Variants in ZFAND2A observed in about 807,000 individuals in gnomAD.
ZFAND2A encodes AN1-type zinc finger protein 2A.
ZFAND2A carries 20 observed loss-of-function variants against 11.6 expected under a neutral mutation model. The observed-to-expected ratio is 1.72, with a 90% confidence interval of 1.21 to 2.50. The LOEUF (loss-of-function observed/expected upper bound fraction) is 2.50, where lower values mean the gene tolerates loss of function less well. ZFAND2A is among the 30% of genes most tolerant of loss of function. The pLI is 0.00. For missense variants in ZFAND2A, 234 were observed against 182.9 expected (o/e 1.28, Z -1.61); for synonymous variants, 93 against 60.6 (o/e 1.54, Z -2.48).
chr7:1,155,059 A>G (rs1793489616), intron 4 of ZFAND2A, among the ~76,000 whole-genome samples: 1 of 152,242 alleles, frequency 6.6e-6, no homozygotes, highest in Non-Finnish European at 1.5e-5. Flanking sequence ...CAGAGGTTGC[A>G]ATGAGCCGAG....
chr7:1,159,255 G>A (rs1287590196), intron 1 of ZFAND2A, among the ~76,000 whole-genome samples: 1 of 152,204 alleles, frequency 6.6e-6, no homozygotes, highest in Non-Finnish European at 1.5e-5. Context: ...ATTCACAAGA[G>A]TTTGATGTGA....
At chr7:1,152,431 T>A, downstream of ZFAND2A, 1 of 1,425,340 alleles carries the variant, frequency 7.0e-7, no homozygotes, top group East Asian at 2.6e-5. Context: ...CAACTACCAC[T>A]GGCCTGGCCC....
chr7:1,152,363 G>C (rs1307576217), downstream of ZFAND2A: 8 of 1,540,128 alleles, frequency 5.2e-6, no homozygotes, highest in Non-Finnish European at 6.1e-6. Context: ...AGGGTGGATG[G>C]ATCAGCTCAG....
At position 1,152,969 on chromosome 7, in the gene ZFAND2A, G is replaced by C. The variant is rs1793429859; in HGVS notation, c.*100C>G. 2.1e-6 allele frequency: 3 copies of C among 1,461,864 alleles called. No homozygotes were observed. The highest frequency in any genetic ancestry group is 2.8e-6 in the Non-Finnish European group (3 of 1,057,406). The allele number at this position is 1,461,864 out of a possible 1,614,324, so 90.6% of individuals were successfully genotyped here. On this transcript the variant is annotated 3_prime_UTR_variant, in exon 5 of 5. Coordinates refer to ENST00000316495, the MANE Select transcript of ZFAND2A (RefSeq NM_182491.4). ...CCTCAACAAACAAGATCAGCAGCCA[G>C]TGTGGGATGGTGCTCAATGGGGCTC...
At chr7:1,154,837 G>A (rs550116285) in intron 4 of ZFAND2A, among the ~76,000 whole-genome samples, 1 of 152,324 alleles carries the variant, frequency 6.6e-6, no homozygotes, top group South Asian at 2.1e-4. Context: ...GAAGCTCCTT[G>A]AGCTGGGCGT....
At chr7:1,155,322 G>A (rs554745058) in intron 4 of ZFAND2A, 131 bp downstream of exon 4, 18 of 1,273,406 alleles carry the variant, frequency 1.4e-5, no homozygotes, top group South Asian at 1.0e-4. Context: ...CAGGGATAAC[G>A]CAGCGTTAGG....
In ZFAND2A at chr7:1,155,522, T is replaced by C; in HGVS notation, c.213A>G (p.Ile71Met). 2 of 1,613,972 alleles carry C rather than the reference T, an allele frequency of 1.2e-6. No homozygotes were observed. Among genetic ancestry groups the C allele is most frequent in the Non-Finnish European group, 8.5e-7 (1 of 1,179,938 alleles). Residue 71 changes from isoleucine (I) to methionine (M), a missense_variant, in exon 4 of 5, where the codon ATA becomes ATG. Ile to Met is a conservative substitution (Grantham distance 10). Transcript: ENST00000316495. ...TGTGATCACCAACCACCACGTCTGG[T>C]ATCTGGCCCTTTTTTACTGGGATGG... ...NTPIPVKKGQ[I>M]PDVVVGDHID... is the part of the protein sequence containing the mutation.
intron 3 of ZFAND2A, chr7:1,157,222 G>A (rs1793548298): frequency 6.5e-6 from 1 of 153,480 alleles, no homozygotes; most frequent in Admixed American, 6.5e-5. Flanking sequence ...CAAGGCTGCA[G>A]TTATTCAAAT....
downstream of ZFAND2A, among the ~76,000 whole-genome samples, chr7:1,149,926 C>T (rs2128256532): frequency 6.6e-6 from 1 of 150,770 alleles, no homozygotes; most frequent in South Asian, 2.1e-4. Flanking sequence ...GATCTCTGCT[C>T]ACTGCAACCT....
chr7:1,151,327 C>T (rs946203860), downstream of ZFAND2A, among the ~76,000 whole-genome samples: 3 of 152,144 alleles, frequency 2.0e-5, no homozygotes, highest in Non-Finnish European at 4.4e-5. Context: ...CGAGTAGCAC[C>T]TGTGGCCGCC....
intron 3 of ZFAND2A, among the ~76,000 whole-genome samples, chr7:1,156,812 G>T (rs908092180): frequency 4.1e-4 from 63 of 152,222 alleles, no homozygotes; most frequent in African/African-American, 1.3e-3. Flanking sequence ...ATTAGTAAAC[G>T]GTCTCCAGCC....
At chr7:1,154,025 C>T (rs1224318829) in intron 4 of ZFAND2A, among the ~76,000 whole-genome samples, 1 of 151,810 alleles carries the variant, frequency 6.6e-6, no homozygotes, top group African/African-American at 2.4e-5. Context: ...GCTGGGAGGA[C>T]AACAGAGAGA....
At chr7:1,152,381 G>C (rs759017701), downstream of ZFAND2A, 26 of 1,503,608 alleles carry the variant, frequency 1.7e-5, no homozygotes, top group Admixed American at 5.4e-4. Context: ...CAGCCTCCAT[G>C]TGCTGACCGC....
intron 1 of ZFAND2A, among the ~76,000 whole-genome samples, chr7:1,159,081 C>T (rs1462751995): frequency 6.6e-6 from 1 of 152,120 alleles, no homozygotes; most frequent in Admixed American, 6.5e-5. Context: ...GCCATTCCCA[C>T]CCTCCCCAGT....
chr7:1,157,477 C>G (rs949659494), intron 3 of ZFAND2A, 179 bp downstream of exon 3: 2 of 520,772 alleles, frequency 3.8e-6, no homozygotes, highest in South Asian at 2.8e-5. Context: ...AGGGCAGACA[C>G]GCTCCTCTGT....
chr7:1,153,210 A>G lies in ZFAND2A; in HGVS notation c.297T>C (p.Arg99=). ...GKKKEKIFTY[R]CSKEGCKKKE... ...TCTTCTTGCAGCCCTCTTTTGAGCA[A>G]CGGTATGTAAAAATCTAAGAGAGCA... is the stretch of plus-strand genomic sequence containing the variant. The change falls in exon 5 of 5, where the codon CGT becomes CGC. Residue 99 remains arginine, a synonymous_variant. Coordinates refer to ENST00000316495, the MANE Select transcript of ZFAND2A (RefSeq NM_182491.4). The G allele has an allele frequency of 6.2e-7, 1 of 1,613,136 alleles. No homozygotes were observed. Among genetic ancestry groups the G allele is most frequent in the Non-Finnish European group, 8.5e-7 (1 of 1,179,136 alleles).
At position 1,152,943 on chromosome 7, in the gene ZFAND2A, C is replaced by T. The variant is rs1175946093; in HGVS notation, c.*126G>A. ...ATTCAATTTTATTATAGTCCCATCTCCCTCAACAAACAAGATCAGCAGCCA... is the reference window on the plus strand; with the variant it reads ...ATTCAATTTTATTATAGTCCCATCTTCCTCAACAAACAAGATCAGCAGCCA... On this transcript the variant is annotated 3_prime_UTR_variant, in exon 5 of 5. Coordinates refer to ENST00000316495, the MANE Select transcript of ZFAND2A (RefSeq NM_182491.4). 7.7e-7 allele frequency: 1 copy of T among 1,298,342 alleles called. No homozygotes were observed. Among genetic ancestry groups the T allele is most frequent in the East Asian group, 2.5e-5 (1 of 39,896 alleles). The allele number at this position is 1,298,342 out of a possible 1,614,324, so 80.4% of individuals were successfully genotyped here.
In ZFAND2A at chr7:1,153,226, TAA is replaced by T; in HGVS notation, c.283-4_283-3del. 6.2e-7 allele frequency: 1 copy of T among 1,610,574 alleles called. No individual in the cohort carries two copies. Among genetic ancestry groups the T allele is most frequent in the African/African-American group, 1.3e-5 (1 of 74,982 alleles). ...TTTTGAGCAACGGTATGTAAAAATC[TAA>T]GAGAGCAAAGTGACTTCAACAAGCA... On this transcript the variant is annotated splice_region_variant and splice_polypyrimidine_tract_variant and intron_variant, in intron 4 of 4. Coordinates refer to ENST00000316495, the MANE Select transcript of ZFAND2A (RefSeq NM_182491.4).
At chr7:1,157,617 CG>C in intron 3 of ZFAND2A, 38 bp downstream of exon 3, 1 of 1,547,442 alleles carries the variant, frequency 6.5e-7, no homozygotes, top group Non-Finnish European at 8.8e-7. Context: ...CAGCTTCAGA[CG>C]GTGAAGATGA....
Sources: allele counts gnomAD v4.1 joint callset (sites outside exome capture counted in the v4.1 genomes callset), GRCh38; gene constraint gnomAD v4.1.1; transcripts MANE v1.5; gene names NCBI Gene and HGNC (gene_info 2026-07-23, HGNC 2026-07-21).